Variants in SOX6 observed in about 807,000 individuals in gnomAD.
SOX6 encodes SRY-box transcription factor 6.
SOX6 carries 11 observed loss-of-function variants against 97.8 expected under a neutral mutation model. The ratio of observed to expected loss-of-function variants is 0.11; its 90% CI spans 0.07 to 0.19. The LOEUF is 0.19. SOX6 is among the 10% of genes least tolerant of loss of function. SOX6 has a pLI of 1.00. For missense variants in SOX6, 810 were observed against 1,039.5 expected (o/e 0.78, Z 3.04); for synonymous variants, 360 against 371.4 (o/e 0.97, Z 0.35).
chr11:16,365,306 T>TG (rs1857327600), intron 1 of SOX6, among the ~76,000 whole-genome samples: 7 of 151,006 alleles, frequency 4.6e-5, no homozygotes, highest in Admixed American at 2.0e-4. Flanking sequence ...TGTGTGTGTG[T>TG]TTGTGTGTGT....
intron 1 of SOX6, chr11:16,434,423 C>G (rs1018812129): frequency 3.3e-5 from 5 of 152,140 alleles, no homozygotes; most frequent in South Asian, 2.1e-4. Flanking sequence ...GATAAAGATG[C>G]TGCCATTATG....
chr11:16,204,699 T>C (rs1228767803), intron 4 of SOX6, among the ~76,000 whole-genome samples: 1 of 152,154 alleles, frequency 6.6e-6, no homozygotes, highest in African/African-American at 2.4e-5. Context: ...CTATCTTATC[T>C]ATTAAAAACT....
chr11:16,317,566 G>T (rs1440228669), intron 3 of SOX6: 1 of 155,304 alleles, frequency 6.4e-6, no homozygotes, highest in Non-Finnish European at 1.4e-5. Flanking sequence ...ATATATTTTA[G>T]AAAGACTTCT....
intron 3 of SOX6, among the ~76,000 whole-genome samples, chr11:16,671,440 C>G (rs1363655996): frequency 6.6e-6 from 1 of 152,250 alleles, no homozygotes; most frequent in African/African-American, 2.4e-5. Context: ...ATAGCCAGTA[C>G]AGGAAAGAAC....
At chr11:16,339,685 G>A (rs1292724717) in intron 2 of SOX6, among the ~76,000 whole-genome samples, 1 of 151,938 alleles carries the variant, frequency 6.6e-6, no homozygotes, top group East Asian at 1.9e-4. Context: ...CATGCATCAT[G>A]TCTGCTTTGT....
intron 3 of SOX6, among the ~76,000 whole-genome samples, chr11:16,280,761 G>A (rs947709374): frequency 6.6e-6 from 1 of 152,048 alleles, no homozygotes; most frequent in Non-Finnish European, 1.5e-5. Context: ...TTATGTGCTA[G>A]ACATGCATTT....
At chr11:16,368,674 T>G (rs1027924601) in intron 1 of SOX6, among the ~76,000 whole-genome samples, 6 of 151,990 alleles carry the variant, frequency 3.9e-5, no homozygotes, top group African/African-American at 1.4e-4. Context: ...GAGGAAATCA[T>G]CATGACATTG....
chr11:16,296,176 T>C (rs537819183), intron 3 of SOX6, among the ~76,000 whole-genome samples: 1 of 152,270 alleles, frequency 6.6e-6, no homozygotes, highest in Admixed American at 6.5e-5. Context: ...ATCCTTAATG[T>C]CTGTTTCATA....
intron 1 of SOX6, among the ~76,000 whole-genome samples, chr11:16,386,027 G>A (rs1857973688): frequency 6.6e-6 from 1 of 152,164 alleles, no homozygotes; most frequent in Non-Finnish European, 1.5e-5. Context: ...AGCCCCTTGA[G>A]TATGGCTCTC....
chr11:15,998,429 C>T, intron 13 of SOX6, among the ~76,000 whole-genome samples: 1 of 77,226 alleles, frequency 1.3e-5, no homozygotes, highest in South Asian at 4.0e-4. Context: ...AACTTAAAGA[C>T]CTAAATAAAT....
intron 5 of SOX6, among the ~76,000 whole-genome samples, chr11:16,184,202 G>C (rs7936647): frequency 0.056 from 8,569 of 152,096 alleles, 624 homozygotes; most frequent in East Asian, 0.37. Context: ...ACCTATATCT[G>C]CACTGGTCAG....
intron 1 of SOX6, among the ~76,000 whole-genome samples, chr11:16,412,310 C>A (rs1330694418): frequency 6.6e-6 from 1 of 152,120 alleles, no homozygotes; most frequent in Non-Finnish European, 1.5e-5. Context: ...GAATAAATCG[C>A]AAATATTAGG....
At chr11:16,214,486 C>T (rs746600394) in intron 4 of SOX6, among the ~76,000 whole-genome samples, 1 of 152,124 alleles carries the variant, frequency 6.6e-6, no homozygotes, top group Non-Finnish European at 1.5e-5. Context: ...GGGTAACTGC[C>T]TTTATGTTCT....
intron 3 of SOX6, among the ~76,000 whole-genome samples, chr11:16,261,639 A>G (rs1009735481): frequency 6.6e-6 from 1 of 151,334 alleles, no homozygotes. Context: ...TTTTATTTGA[A>G]AAAAAAAATG....
intron 1 of SOX6, among the ~76,000 whole-genome samples, chr11:16,374,738 T>C (rs1480971154): frequency 1.3e-5 from 2 of 152,074 alleles, no homozygotes; most frequent in Non-Finnish European, 1.5e-5. Flanking sequence ...TTATCCACTC[T>C]ATTCTTAGGC....
intron 1 of SOX6, among the ~76,000 whole-genome samples, chr11:16,450,069 T>C (rs1859690637): frequency 6.6e-6 from 1 of 152,198 alleles, no homozygotes; most frequent in African/African-American, 2.4e-5. Context: ...AGCTAACTTA[T>C]AACTTTCAGA....
Position 16,341,267 on chromosome 11 carries a change from C to A in SOX6, c.-4-15G>T. On this transcript the variant is annotated splice_polypyrimidine_tract_variant and intron_variant, in intron 1 of 15. Transcript: ENST00000683767. The stretch of plus-strand genomic sequence containing the variant: ...AAGACATTCTTCTGCAGAAAAAAAA[C>A]AGAACGGATTAAAAATGGCTGTCAA... 1 of 1,611,836 alleles carries A rather than the reference C, an allele frequency of 6.2e-7. No individual in the cohort carries two copies. The highest frequency in any genetic ancestry group is 1.1e-5 in the South Asian group (1 of 91,004).
Position 16,036,078 on chromosome 11 carries a change from C to CTT in SOX6, c.1623+10434_1623+10435dup, listed in dbSNP as rs767508048. 4.1e-3 allele frequency among the ~76,000 whole-genome samples: 550 copies of CTT among 133,772 alleles called. 12 individuals carry two copies. Among genetic ancestry groups the CTT allele is most frequent in the African/African-American group, 0.014 (503 of 35,232 alleles). 87.8% of individuals were successfully genotyped at this position (133,772 alleles called of 152,430 possible). ...GGGCTCTTTTAGCTCTGATTCAACT[C>CTT]TTTTTTTTTTTTTTTTTTGAGATGG... On this transcript the variant is annotated intron_variant, in intron 12 of 15. Coordinates refer to ENST00000683767, the MANE Select transcript of SOX6 (RefSeq NM_001367873.1).
At chr11:16,313,028 T>C (rs1416539050) in intron 3 of SOX6, 1 of 152,140 alleles carries the variant, frequency 6.6e-6, no homozygotes, top group Non-Finnish European at 1.5e-5. Flanking sequence ...CAAAGTTAAA[T>C]TTACAAAAGA....
Sources: allele counts gnomAD v4.1 joint callset (sites outside exome capture counted in the v4.1 genomes callset), GRCh38; gene constraint gnomAD v4.1.1; transcripts MANE v1.5; gene names NCBI Gene and HGNC (gene_info 2026-07-23, HGNC 2026-07-21).